Variants in LSAMP observed in about 807,000 individuals in gnomAD.
The protein encoded by LSAMP is limbic system-associated membrane protein.
LSAMP carries 7 observed loss-of-function variants against 38.6 expected under a neutral mutation model. The observed-to-expected ratio is 0.18, with a 90% CI of 0.10 to 0.34. The LOEUF is 0.34. LSAMP is among the 10% of genes least tolerant of loss of function. The pLI is 1.00. For missense variants in LSAMP, 313 were observed against 420.0 expected (o/e 0.75, Z 2.23); for synonymous variants, 154 against 166.8 (o/e 0.92, Z 0.59).
intron 6 of LSAMP, among the ~76,000 whole-genome samples, chr3:115,825,261 C>T (rs142863613): frequency 3.3e-5 from 5 of 152,236 alleles, no homozygotes; most frequent in South Asian, 2.1e-4. Flanking sequence ...CACTAACTAC[C>T]GCAGTGCAGA....
In LSAMP at chr3:115,808,300, A is replaced by G. The variant is rs1170193902; in HGVS notation, c.*2017T>C. The G allele has an allele frequency of 1.3e-5, 2 of 151,758 alleles. No homozygotes were observed. The highest frequency in any genetic ancestry group is 4.2e-4 in the South Asian group (2 of 4,806). 9.4% of individuals were successfully genotyped at this position (151,758 alleles called of 1,614,324 possible). A position where few individuals can be genotyped will look rare whatever the true frequency, so the allele number is the denominator to read the frequency against. ...AATGACATACCATATTTGGCTCTGCAAGATTACATTCAAATATAATCTCAA... is the reference window on the plus strand; with the variant it reads ...AATGACATACCATATTTGGCTCTGCGAGATTACATTCAAATATAATCTCAA... On this transcript the variant is annotated 3_prime_UTR_variant, in exon 7 of 7. Coordinates refer to ENST00000490035, the MANE Select transcript of LSAMP (RefSeq NM_002338.5).
At chr3:115,827,812 C>T (rs1257528243) in intron 6 of LSAMP, among the ~76,000 whole-genome samples, 1 of 152,102 alleles carries the variant, frequency 6.6e-6, no homozygotes, top group African/African-American at 2.4e-5. Flanking sequence ...AATTGGAATT[C>T]CAAACTCATT....
rs1940742560 is a variant in LSAMP, at chr3:116,024,843, AT to A, written c.389-5204del. On this transcript the variant is annotated intron_variant, in intron 2 of 6. Transcript: ENST00000490035. ...TACTACCACTACTACCATTTCCCAC[AT>A]GTGGGCAAAGGGGACAAAAATGGGT... 4.6e-5 allele frequency among the ~76,000 whole-genome samples: 7 copies of A among 151,206 alleles called. 1 individual carries two copies. In the South Asian group the frequency reaches 1.5e-3, roughly 32 times the overall value.
intron 3 of LSAMP, among the ~76,000 whole-genome samples, chr3:115,920,910 A>C (rs1000626469): frequency 2.6e-5 from 4 of 151,636 alleles, no homozygotes; most frequent in African/African-American, 9.7e-5. Flanking sequence ...ATTAATTGTT[A>C]TATCTTCCTG....
chr3:116,062,931 C>T (rs1941622685), intron 2 of LSAMP, among the ~76,000 whole-genome samples: 2 of 152,126 alleles, frequency 1.3e-5, no homozygotes, highest in Admixed American at 1.3e-4. Flanking sequence ...ATGAGAAATT[C>T]TCCAGAAGGG....
chr3:115,806,865 C>A lies in LSAMP; in HGVS notation c.*3452G>T, dbSNP rs1453251053. 1 of 152,186 alleles carries A rather than the reference C, an allele frequency of 6.6e-6. No homozygotes were observed. Among genetic ancestry groups the A allele is most frequent in the South Asian group, 2.1e-4 (1 of 4,828 alleles). The allele number at this position is 152,186 out of a possible 1,614,324, so 9.4% of individuals were successfully genotyped here. ...TCAACAATTGCACAGAGCATAATTA[C>A]AATTCTGCAGTTGTAAAGCCCTGGA... On this transcript the variant is annotated 3_prime_UTR_variant, in exon 7 of 7. Coordinates refer to ENST00000490035, the MANE Select transcript of LSAMP (RefSeq NM_002338.5).
chr3:116,185,002 T>G (rs567223936), intron 1 of LSAMP, among the ~76,000 whole-genome samples: 24 of 151,124 alleles, frequency 1.6e-4, no homozygotes, highest in South Asian at 4.2e-4. Flanking sequence ...GTGGTTTAAC[T>G]GCAGATTTTT....
chr3:115,858,968 T>G (rs1170566662), intron 3 of LSAMP, among the ~76,000 whole-genome samples: 1 of 152,244 alleles, frequency 6.6e-6, no homozygotes, highest in Non-Finnish European at 1.5e-5. Context: ...TGTTTTTGCT[T>G]TCTTCCCTGC....
intron 2 of LSAMP, among the ~76,000 whole-genome samples, chr3:116,078,282 T>C (rs1453781906): frequency 2.1e-5 from 3 of 145,556 alleles, no homozygotes; most frequent in Non-Finnish European, 4.4e-5. Flanking sequence ...ATCCTCTTTA[T>C]TTATTTATTT....
intron 1 of LSAMP, among the ~76,000 whole-genome samples, chr3:116,317,210 C>T (rs2047640704): frequency 6.6e-6 from 1 of 152,294 alleles, no homozygotes; most frequent in African/African-American, 2.4e-5. Flanking sequence ...CTTGCTGCTG[C>T]TCACTGTCTA....
chr3:116,101,434 A>G (rs1455729931), intron 1 of LSAMP, among the ~76,000 whole-genome samples: 1 of 152,194 alleles, frequency 6.6e-6, no homozygotes, highest in Non-Finnish European at 1.5e-5. Context: ...TTTTAAATTG[A>G]CATGTAATAA....
chr3:116,149,343 T>C (rs983698327), intron 1 of LSAMP, among the ~76,000 whole-genome samples: 9 of 151,992 alleles, frequency 5.9e-5, no homozygotes, highest in Middle Eastern at 3.4e-3. Flanking sequence ...AAATTACAAA[T>C]CCAAAAGGCT....
intron 1 of LSAMP, among the ~76,000 whole-genome samples, chr3:116,109,813 CAT>C (rs1191219598): frequency 6.7e-6 from 1 of 150,048 alleles, no homozygotes; most frequent in Non-Finnish European, 1.5e-5. Context: ...GAAAAGAGAG[CAT>C]AGAGACACGG....
chr3:116,019,313 C>T (rs540363108), intron 3 of LSAMP, among the ~76,000 whole-genome samples: 2 of 152,112 alleles, frequency 1.3e-5, no homozygotes, highest in Non-Finnish European at 2.9e-5. Flanking sequence ...TAGCAAAGAC[C>T]ATGAGGACCC....
chr3:115,998,226 C>A (rs1181568276), intron 3 of LSAMP, among the ~76,000 whole-genome samples: 2 of 151,734 alleles, frequency 1.3e-5, no homozygotes, highest in African/African-American at 4.8e-5. Flanking sequence ...CCATAATAAT[C>A]CCTGGATTTC....
intron 1 of LSAMP, among the ~76,000 whole-genome samples, chr3:116,273,546 G>T (rs1442374287): frequency 2.7e-5 from 4 of 150,808 alleles, no homozygotes; most frequent in African/African-American, 9.8e-5. Flanking sequence ...TGGCATTACT[G>T]CTCTCTTGGA....
intron 1 of LSAMP, among the ~76,000 whole-genome samples, chr3:116,178,511 T>C (rs1046855936): frequency 3.3e-5 from 5 of 152,120 alleles, no homozygotes; most frequent in African/African-American, 1.2e-4. Flanking sequence ...TAGGAGGCAA[T>C]GATAAATCTA....
At chr3:115,896,137 A>C (rs1013240548) in intron 3 of LSAMP, among the ~76,000 whole-genome samples, 1 of 152,004 alleles carries the variant, frequency 6.6e-6, no homozygotes, top group African/African-American at 2.4e-5. Context: ...CAAGCTATTA[A>C]CTGTTATTCT....
intron 1 of LSAMP, among the ~76,000 whole-genome samples, chr3:116,307,750 G>C (rs944357496): frequency 6.6e-6 from 1 of 151,836 alleles, no homozygotes; most frequent in Non-Finnish European, 1.5e-5. Context: ...TTAATGACTT[G>C]AGAAACAGCT....
Sources: allele counts gnomAD v4.1 joint callset (sites outside exome capture counted in the v4.1 genomes callset), GRCh38; gene constraint gnomAD v4.1.1; transcripts MANE v1.5; gene names NCBI Gene and HGNC (gene_info 2026-07-23, HGNC 2026-07-21).